LIN7A: variants seen among roughly 807,000 people sequenced by gnomAD.
The protein encoded by LIN7A is protein lin-7 homolog A.
Under a neutral mutation model 29.8 loss-of-function variants are expected in LIN7A, and 25 were observed. That is an observed-to-expected ratio of 0.84 (90% CI 0.61 to 1.17). The LOEUF (loss-of-function observed/expected upper bound fraction) is 1.17. LIN7A is among the 50% of genes most tolerant of loss of function. LIN7A has a pLI of 0.00. For missense variants in LIN7A, 239 were observed against 287.0 expected, an observed-to-expected ratio of 0.83 and a Z score of 1.21; for synonymous variants, 118 against 107.5, an observed-to-expected ratio of 1.10 and a Z score of -0.60.
chr12:80,897,841 T>C (rs1174570594), intron 1 of LIN7A, among the ~76,000 whole-genome samples: 1 of 152,088 alleles, frequency 6.6e-6, no homozygotes, highest in African/African-American at 2.4e-5. Flanking sequence ...ATATAATTGA[T>C]TGCATTAAGT....
chr12:80,892,800 G>A (rs1041140654), intron 1 of LIN7A, among the ~76,000 whole-genome samples: 13 of 152,122 alleles, frequency 8.5e-5, no homozygotes, highest in Non-Finnish European at 1.6e-4. Flanking sequence ...CCCTTCAGGC[G>A]ATGCTAAAGT....
intron 4 of LIN7A, among the ~76,000 whole-genome samples, chr12:80,826,971 G>C (rs936800754): frequency 4.6e-5 from 7 of 152,186 alleles, no homozygotes; most frequent in Non-Finnish European, 1.0e-4. Context: ...TACTCATCCA[G>C]TGTTTGTTTA....
At chr12:80,909,502 G>C (rs1278246869) in intron 1 of LIN7A, among the ~76,000 whole-genome samples, 1 of 152,006 alleles carries the variant, frequency 6.6e-6, no homozygotes, top group Admixed American at 6.6e-5. Flanking sequence ...CTGGAGGCTG[G>C]GATGTCAAAG....
intron 5 of LIN7A, among the ~76,000 whole-genome samples, chr12:80,804,592 G>T (rs1349831802): frequency 6.6e-6 from 1 of 151,614 alleles, no homozygotes; most frequent in Non-Finnish European, 1.5e-5. Flanking sequence ...AGGCTGGAGT[G>T]CAGTGGCATG....
intron 5 of LIN7A, among the ~76,000 whole-genome samples, chr12:80,800,629 C>T (rs771437284): frequency 3.4e-4 from 52 of 151,696 alleles, no homozygotes; most frequent in Non-Finnish European, 3.8e-4. Flanking sequence ...AGGAAGCACC[C>T]GACCCTGATA....
At chr12:80,926,318 CT>C (rs1283020135) in intron 1 of LIN7A, among the ~76,000 whole-genome samples, 8 of 151,972 alleles carry the variant, frequency 5.3e-5, no homozygotes, top group Non-Finnish European at 1.2e-4. Context: ...ATAATTTTAG[CT>C]TTTTTTGTTC....
At chr12:80,841,116 T>C (rs1452026287) in intron 4 of LIN7A, among the ~76,000 whole-genome samples, 1 of 152,056 alleles carries the variant, frequency 6.6e-6, no homozygotes, top group Non-Finnish European at 1.5e-5. Context: ...TTCAAGTCAT[T>C]CTTTAACATG....
At chr12:80,876,069 A>T (rs1874677963) in intron 2 of LIN7A, among the ~76,000 whole-genome samples, 1 of 88,096 alleles carries the variant, frequency 1.1e-5, no homozygotes, top group African/African-American at 2.7e-5. Flanking sequence ...ACACACACAC[A>T]CACACACACA....
intron 1 of LIN7A, among the ~76,000 whole-genome samples, chr12:80,912,670 G>A (rs555552905): frequency 3.4e-5 from 5 of 147,822 alleles, no homozygotes; most frequent in African/African-American, 5.1e-5. Flanking sequence ...ACCCGAGATC[G>A]CGTCACTGCA....
chr12:80,811,072 A>G (rs74638968), intron 5 of LIN7A, among the ~76,000 whole-genome samples: 13,824 of 152,210 alleles, frequency 0.091, 718 homozygotes, highest in East Asian at 0.18. Context: ...TGTAAAGGCA[A>G]CTGGCCAACA....
chr12:80,932,244 A>T (rs1251472085), intron 1 of LIN7A, among the ~76,000 whole-genome samples: 3 of 152,176 alleles, frequency 2.0e-5, no homozygotes, highest in African/African-American at 7.2e-5. Flanking sequence ...TGGGATAGTT[A>T]TTTGCATTCA....
intron 4 of LIN7A, among the ~76,000 whole-genome samples, chr12:80,836,262 C>G (rs1440049779): frequency 6.6e-6 from 1 of 152,180 alleles, no homozygotes; most frequent in East Asian, 1.9e-4. Context: ...CATGGACTTC[C>G]TTATCTCAAG....
intron 2 of LIN7A, among the ~76,000 whole-genome samples, chr12:80,873,164 G>A (rs1000946074): frequency 4.6e-5 from 7 of 152,130 alleles, no homozygotes; most frequent in African/African-American, 1.7e-4. Flanking sequence ...AGGGAAATCA[G>A]TGAAAGAAAA....
intron 1 of LIN7A, among the ~76,000 whole-genome samples, chr12:80,935,041 G>A (rs924915040): frequency 5.9e-5 from 9 of 152,130 alleles, no homozygotes; most frequent in Admixed American, 2.6e-4. Flanking sequence ...TCTATGAAAT[G>A]CACCTCAGTT....
chr12:80,925,782 G>A (rs1221539892), intron 1 of LIN7A, among the ~76,000 whole-genome samples: 1 of 152,160 alleles, frequency 6.6e-6, no homozygotes, highest in East Asian at 1.9e-4. Flanking sequence ...GACTTCTAGT[G>A]CAATAGAAAC....
intron 5 of LIN7A, among the ~76,000 whole-genome samples, chr12:80,810,553 T>C (rs1158978137): frequency 6.6e-6 from 1 of 152,174 alleles, no homozygotes; most frequent in Non-Finnish European, 1.5e-5. Flanking sequence ...GTATTGAACA[T>C]GGGAGTGTAA....
chr12:80,860,577 G>A (rs890836854), intron 2 of LIN7A, among the ~76,000 whole-genome samples: 3 of 152,178 alleles, frequency 2.0e-5, no homozygotes, highest in African/African-American at 7.2e-5. Context: ...AGTTAATTCA[G>A]GGTGGTGAAT....
At chr12:80,830,933 T>A (rs550645920) in intron 4 of LIN7A, among the ~76,000 whole-genome samples, 1 of 152,312 alleles carries the variant, frequency 6.6e-6, no homozygotes, top group East Asian at 1.9e-4. Flanking sequence ...ACACTCTCCC[T>A]GCCATAGCAT....
At position 80,811,502 on chromosome 12, in the gene LIN7A, T is replaced by C; in HGVS notation, c.665A>G (p.Gln222Arg). ...GTTTTGTTGTGTTTGTTGCTGCTGC[T>C]GCTGTTGCTGCTGCTGAATTAGCAA... is the stretch of plus-strand genomic sequence containing the variant. ...QQLLIQQQQQ[Q>R]QQQQTQQNHM... Residue 222 changes from glutamine (Q) to arginine (R), a missense_variant, in exon 5 of 6, where the codon CAG becomes CGG. Gln to Arg is a conservative substitution (Grantham distance 43). Coordinates refer to ENST00000552864, the MANE Select transcript of LIN7A (RefSeq NM_004664.4). 2.5e-6 allele frequency: 4 copies of C among 1,587,844 alleles called. No individual in the cohort carries two copies. The highest frequency in any genetic ancestry group is 2.6e-6 in the Non-Finnish European group (3 of 1,161,028).
Sources: allele counts gnomAD v4.1 joint callset (sites outside exome capture counted in the v4.1 genomes callset), GRCh38; gene constraint gnomAD v4.1.1; transcripts MANE v1.5; gene names NCBI Gene and HGNC (gene_info 2026-07-23, HGNC 2026-07-21).